The following SCN7A variants were observed in gnomAD, a reference collection of about 807,000 sequenced individuals.
SCN7A encodes the protein sodium voltage-gated channel alpha subunit 7, also known as sodium channel protein type 7 subunit alpha.
Under a neutral mutation model 155.2 loss-of-function variants are expected in SCN7A, and 138 were observed. That is an observed-to-expected ratio of 0.89 (90% CI 0.77 to 1.02). The LOEUF is 1.02. Among genes scored for constraint, SCN7A ranks in the 50% least tolerant of loss-of-function variants. The pLI is 0.00. For synonymous variants in SCN7A, 693 were observed against 649.0 expected, an observed-to-expected ratio of 1.07 and a Z score of -1.03; for missense variants, 2,058 against 1,986.6, an observed-to-expected ratio of 1.04 and a Z score of -0.68.
chr2:166,482,304 T>G (rs569329275), intron 2 of SCN7A, among the ~76,000 whole-genome samples: 1 of 152,274 alleles, frequency 6.6e-6, no homozygotes, highest in South Asian at 2.1e-4. Context: ...ACTTCTTGCA[T>G]GGATGCTGCC....
chr2:166,462,302 A>T (rs1258231208), intron 10 of SCN7A, 87 bp downstream of exon 10: 11 of 1,363,522 alleles, frequency 8.1e-6, no homozygotes, highest in South Asian at 3.4e-5. Context: ...ATAAAAATTT[A>T]AAAAACTATA....
At chr2:166,489,126 T>C (rs1020226365) in intron 1 of SCN7A, among the ~76,000 whole-genome samples, 1 of 152,190 alleles carries the variant, frequency 6.6e-6, no homozygotes, top group African/African-American at 2.4e-5. Context: ...TATATTGCTA[T>C]CATGGAATAC....
At chr2:166,472,249 A>G in intron 6 of SCN7A, 68 bp downstream of exon 6, 5 of 1,457,560 alleles carry the variant, frequency 3.4e-6, no homozygotes, top group Non-Finnish European at 4.6e-6. Context: ...GCAGACGTCA[A>G]TTATTTTTTA....
At chr2:166,472,223 G>T in intron 6 of SCN7A, 94 bp downstream of exon 6, 2 of 1,271,470 alleles carry the variant, frequency 1.6e-6, no homozygotes, top group South Asian at 1.6e-5. Flanking sequence ...CAGACTATCT[G>T]CAGGCCAAAA....
chr2:166,453,576 T>C (rs1702217559), intron 11 of SCN7A, among the ~76,000 whole-genome samples: 1 of 152,232 alleles, frequency 6.6e-6, no homozygotes, highest in African/African-American at 2.4e-5. Context: ...ACCCATAAGA[T>C]AGGTTCTTTA....
In SCN7A at chr2:166,416,858, A is replaced by G. The variant is rs761108139; in HGVS notation, c.3263T>C (p.Ile1088Thr). The change falls in exon 21 of 26, where the codon ATT becomes ACT. Residue 1088 changes from isoleucine to threonine, a missense_variant. Coordinates refer to ENST00000643258, the MANE Select transcript of SCN7A (RefSeq NM_002976.4). ...DLFAGRFYEC[I>T]DPTSGERFPS... ...AAACCTTTCTCCACTTGTTGGGTCA[A>G]TGCATTCATAGAATCTGCCAGCAAA... is the stretch of plus-strand genomic sequence containing the variant. 2 of 1,613,688 alleles carry G rather than the reference A, an allele frequency of 1.2e-6. No homozygotes were observed. The highest frequency in any genetic ancestry group is 1.7e-6 in the Non-Finnish European group (2 of 1,179,758).
At position 166,448,340 on chromosome 2, in the gene SCN7A, T is replaced by C. The variant is rs1287563456; in HGVS notation, c.1291-632A>G. 2.0e-5 allele frequency among the ~76,000 whole-genome samples: 3 copies of C among 152,192 alleles called. No homozygotes were observed. In the South Asian group the frequency reaches 6.2e-4, roughly 31 times the overall value. Reference sequence around the variant, plus strand: ...TCCATTGTGTATATACTATATTTTATTTATTCATGTGTCCATTGATAGACA... The same window carrying C: ...TCCATTGTGTATATACTATATTTTACTTATTCATGTGTCCATTGATAGACA... On this transcript the variant is annotated intron_variant, in intron 11 of 25. Coordinates refer to ENST00000643258, the MANE Select transcript of SCN7A (RefSeq NM_002976.4).
chr2:166,410,080 AAAAC>A (rs1281047648), intron 24 of SCN7A, 136 bp downstream of exon 24: 108 of 1,112,586 alleles, frequency 9.7e-5, no homozygotes, highest in Middle Eastern at 5.4e-4. Flanking sequence ...ACATATAGTC[AAAAC>A]AAACAAACAA....
At chr2:166,428,010 T>C (rs3748895) in intron 17 of SCN7A, 68 bp from the exon 18 acceptor site, 464,469 of 1,443,456 alleles carry the variant, frequency 0.32, 76,878 homozygotes, top group Non-Finnish European at 0.34. Flanking sequence ...ACTGAAACTT[T>C]CTACTATGTG....
chr2:166,418,053 CTAATA>C (rs1327996693), intron 20 of SCN7A, among the ~76,000 whole-genome samples: 4 of 151,514 alleles, frequency 2.6e-5, no homozygotes, highest in Non-Finnish European at 4.4e-5. Context: ...GTTGCTATAT[CTAATA>C]TAATAATATA....
intron 19 of SCN7A, among the ~76,000 whole-genome samples, chr2:166,422,682 T>C (rs1051107609): frequency 3.9e-5 from 6 of 152,280 alleles, no homozygotes; most frequent in Admixed American, 2.6e-4. Flanking sequence ...TTGTAGAGCA[T>C]TGATTGCAAA....
chr2:166,450,488 TA>T (rs968575241), intron 11 of SCN7A, among the ~76,000 whole-genome samples: 37 of 151,234 alleles, frequency 2.4e-4, no homozygotes, highest in African/African-American at 8.3e-4. Flanking sequence ...AAAAGAAATT[TA>T]AAAAAAAAGT....
rs563080202 is a variant in SCN7A at position 166,439,672 on chromosome 2, A to G, written c.2157+1724T>C. Among the ~76,000 whole-genome samples, 323 of 152,220 alleles carry G rather than the reference A, an allele frequency of 2.1e-3. 2 individuals carry two copies. Among genetic ancestry groups the G allele is most frequent in the African/African-American group, 7.5e-3 (312 of 41,526 alleles). On this transcript the variant is annotated intron_variant, in intron 15 of 25. Coordinates refer to ENST00000643258, the MANE Select transcript of SCN7A (RefSeq NM_002976.4). ...TAGAGTGGTGTTTTTTATCACTGGGAATGAAAAGTGTACTACTGTAACTAC... is the reference window on the plus strand; with the variant it reads ...TAGAGTGGTGTTTTTTATCACTGGGGATGAAAAGTGTACTACTGTAACTAC...
rs1701505506 is a variant in SCN7A, at chr2:166,421,303, TA to T, written c.3028-7del. On this transcript the variant is annotated splice_region_variant and splice_polypyrimidine_tract_variant and intron_variant, in intron 19 of 25. Coordinates refer to ENST00000643258, the MANE Select transcript of SCN7A (RefSeq NM_002976.4). ...ATTAAGCTAAGACAAAACACCTATA[TA>T]TTTTTTTTAAAAAAAGAGTGAATAG... The T allele has an allele frequency of 4.1e-6, 6 of 1,446,768 alleles. No individual in the cohort carries two copies. In the African/African-American group the frequency reaches 4.4e-5, roughly 11 times the overall value. The allele number at this position is 1,446,768 out of a possible 1,614,324, so 89.6% of individuals were successfully genotyped here.
intron 22 of SCN7A, 46 bp from the exon 23 acceptor site, chr2:166,412,713 CAA>C: frequency 6.9e-7 from 1 of 1,449,086 alleles, no homozygotes; most frequent in East Asian, 2.8e-5. Flanking sequence ...CTTTTTAAAA[CAA>C]GTTTTATAAA....
At chr2:166,475,439 C>T (rs1702777277) in intron 3 of SCN7A, among the ~76,000 whole-genome samples, 2 of 151,006 alleles carry the variant, frequency 1.3e-5, no homozygotes, top group Non-Finnish European at 1.5e-5. Context: ...ATACATTCAA[C>T]AATATTTCAT....
intron 1 of SCN7A, among the ~76,000 whole-genome samples, chr2:166,490,222 T>G (rs1683054352): frequency 6.6e-6 from 1 of 152,140 alleles, no homozygotes; most frequent in Admixed American, 6.6e-5. Context: ...AACTGAAATT[T>G]TGCACACTTT....
chr2:166,473,901 C>A lies in SCN7A; in HGVS notation c.354-13G>T. 1 of 1,367,032 alleles carries A rather than the reference C, an allele frequency of 7.3e-7. No individual in the cohort carries two copies. The highest frequency in any genetic ancestry group is 1.0e-6 in the Non-Finnish European group (1 of 971,542). The allele number at this position is 1,367,032 out of a possible 1,614,324, so 84.7% of individuals were successfully genotyped here. A position where few individuals can be genotyped will look rare whatever the true frequency, so the allele number is the denominator to read the frequency against. Reference sequence around the variant, plus strand: ...CAGTTGGAAAAAGGTAGCTTATAGTCAAGGAATAATAGTTAATAAATAATA... The same window carrying A: ...CAGTTGGAAAAAGGTAGCTTATAGTAAAGGAATAATAGTTAATAAATAATA... On this transcript the variant is annotated splice_polypyrimidine_tract_variant and intron_variant, in intron 4 of 25. Transcript: ENST00000643258.
chr2:166,488,640 T>G (rs1405549584), intron 1 of SCN7A, among the ~76,000 whole-genome samples: 1 of 151,626 alleles, frequency 6.6e-6, no homozygotes, highest in African/African-American at 2.4e-5. Context: ...TTCTTTTTTT[T>G]TTTTTATTTT....
Sources: allele counts gnomAD v4.1 joint callset (sites outside exome capture counted in the v4.1 genomes callset), GRCh38; gene constraint gnomAD v4.1.1; transcripts MANE v1.5; gene names NCBI Gene and HGNC (gene_info 2026-07-23, HGNC 2026-07-21).